The following PCOLCE2 variants were observed in gnomAD, a reference collection of about 807,000 sequenced individuals.
The protein encoded by PCOLCE2 is procollagen C-endopeptidase enhancer 2.
Under a neutral mutation model 47.0 loss-of-function variants are expected in PCOLCE2, and 42 were observed. The observed-to-expected ratio is 0.89, with a 90% CI of 0.70 to 1.16. The LOEUF (loss-of-function observed/expected upper bound fraction) is 1.16, where lower values mean the gene tolerates loss of function less well. PCOLCE2 is among the 50% of genes most tolerant of loss of function. PCOLCE2 has a pLI of 0.00. For synonymous variants in PCOLCE2, 169 were observed against 191.7 expected (o/e 0.88, Z 0.98); for missense variants, 500 against 526.1 (o/e 0.95, Z 0.49).
At chr3:142,833,662 T>C (rs1261274283) in intron 5 of PCOLCE2, among the ~76,000 whole-genome samples, 1 of 152,206 alleles carries the variant, frequency 6.6e-6, no homozygotes. Context: ...TGTATATGTC[T>C]TGCAGTGCAA....
intron 6 of PCOLCE2, among the ~76,000 whole-genome samples, chr3:142,824,746 TCTC>T (rs1478587593): frequency 6.6e-6 from 1 of 152,162 alleles, no homozygotes; most frequent in Non-Finnish European, 1.5e-5. Flanking sequence ...TTCAAGCAAT[TCTC>T]CTGCCTCAGC....
intron 5 of PCOLCE2, among the ~76,000 whole-genome samples, chr3:142,831,011 G>A (rs1033213799): frequency 1.3e-5 from 2 of 152,192 alleles, no homozygotes; most frequent in Admixed American, 6.5e-5. Context: ...GAAAAACTGC[G>A]TGATCTTTTC....
chr3:142,881,162 A>G (rs926017309), intron 2 of PCOLCE2, among the ~76,000 whole-genome samples: 4 of 152,214 alleles, frequency 2.6e-5, no homozygotes, highest in African/African-American at 9.6e-5. Flanking sequence ...GAAGTGCTCA[A>G]AAACTCTTGG....
At chr3:142,862,791 C>T (rs1406532261) in intron 2 of PCOLCE2, among the ~76,000 whole-genome samples, 1 of 152,040 alleles carries the variant, frequency 6.6e-6, no homozygotes, top group Non-Finnish European at 1.5e-5. Context: ...TCTGTAATGG[C>T]TTTATACTAT....
At chr3:142,841,835 T>G (rs546090222) in intron 4 of PCOLCE2, among the ~76,000 whole-genome samples, 23 of 152,188 alleles carry the variant, frequency 1.5e-4, no homozygotes, top group Non-Finnish European at 2.9e-4. Flanking sequence ...TACCTCATAG[T>G]GTTTGGGTTA....
At chr3:142,853,339 C>T (rs1036034699) in intron 2 of PCOLCE2, among the ~76,000 whole-genome samples, 6 of 152,124 alleles carry the variant, frequency 3.9e-5, no homozygotes, top group Admixed American at 2.0e-4. Context: ...CACCCCCAAA[C>T]CCGAAGGTGG....
Position 142,861,925 on chromosome 3 carries a change from G to A in PCOLCE2, c.193-13453C>T, listed in dbSNP as rs751558155. Reference sequence around the variant, plus strand: ...TCTAAGATTGTTCCATGCCTCGCCTGAGGTGTAAAGACCTTGCTGCAGCTT... The same window carrying A: ...TCTAAGATTGTTCCATGCCTCGCCTAAGGTGTAAAGACCTTGCTGCAGCTT... On this transcript the variant is annotated intron_variant, in intron 2 of 8. Coordinates refer to ENST00000295992, the MANE Select transcript of PCOLCE2 (RefSeq NM_013363.4). Among the ~76,000 whole-genome samples, 143 of 152,356 alleles carry A rather than the reference G, an allele frequency of 9.4e-4. 3 individuals carry two copies. Among genetic ancestry groups the A allele is most frequent in the Middle Eastern group, 3.4e-3 (1 of 294 alleles).
intron 1 of PCOLCE2, among the ~76,000 whole-genome samples, chr3:142,888,183 C>T (rs1933750590): frequency 6.6e-6 from 1 of 152,110 alleles, no homozygotes; most frequent in Admixed American, 6.5e-5. Context: ...TTTGTCGTTC[C>T]CATATTTGGA....
Position 142,821,003 on chromosome 3 carries a change from C to A in PCOLCE2, c.992G>T (p.Ser331Ile). Residue 331 changes from serine to isoleucine, a missense_variant, in exon 8 of 9, where the codon AGT (serine) becomes ATT (isoleucine). Coordinates refer to ENST00000295992, the MANE Select transcript of PCOLCE2 (RefSeq NM_013363.4). ...TVITTITRDG[S>I]LHATVSIINI... is the part of the protein sequence containing the mutation. Reference sequence around the variant, plus strand: ...GATGATCGAGACTGTGGCGTGCAAACTCCCATCGCGAGTGATGGTTGTGAT... The same window carrying A: ...GATGATCGAGACTGTGGCGTGCAAAATCCCATCGCGAGTGATGGTTGTGAT... The A allele has an allele frequency of 6.2e-7, 1 of 1,613,806 alleles. No individual in the cohort carries two copies. Among genetic ancestry groups the A allele is most frequent in the African/African-American group, 1.3e-5 (1 of 75,050 alleles).
In PCOLCE2 at chr3:142,842,555, T is replaced by A. The variant is rs918849107; in HGVS notation, c.573+369A>T. 5.3e-5 allele frequency among the ~76,000 whole-genome samples: 8 copies of A among 151,942 alleles called. No individual in the cohort carries two copies. Among genetic ancestry groups the A allele is most frequent in the African/African-American group, 1.9e-4 (8 of 41,358 alleles). On this transcript the variant is annotated intron_variant, in intron 4 of 8. Transcript: ENST00000295992. The surrounding 1 kb of genome is among the most constrained non-coding windows in gnomAD (Gnocchi z 4.1). ...GAGTTTGAGACCAGCCTGACCAACA[T>A]GGAGAAACTCTGTCTCTACTAAAAA...
chr3:142,879,912 A>T (rs1933577363), intron 2 of PCOLCE2, among the ~76,000 whole-genome samples: 1 of 147,670 alleles, frequency 6.8e-6, no homozygotes, highest in African/African-American at 2.5e-5. Context: ...CAGAGCTTGC[A>T]GTGAGCCGAG....
At chr3:142,822,323 A>G (rs150361542) in intron 7 of PCOLCE2, among the ~76,000 whole-genome samples, 2 of 152,176 alleles carry the variant, frequency 1.3e-5, no homozygotes, top group African/African-American at 4.8e-5. Context: ...ACCACTCCCC[A>G]GGGGAGCATT....
chr3:142,868,705 C>G (rs570174953), intron 2 of PCOLCE2, among the ~76,000 whole-genome samples: 1 of 152,160 alleles, frequency 6.6e-6, no homozygotes, highest in African/African-American at 2.4e-5. Flanking sequence ...TTAGCCTGTG[C>G]GGTCTAACCC....
intron 2 of PCOLCE2, among the ~76,000 whole-genome samples, chr3:142,870,784 C>T (rs116435572): frequency 0.058 from 8,732 of 150,622 alleles, 266 homozygotes; most frequent in Non-Finnish European, 0.063. Context: ...TCTTCAGCAG[C>T]GAGCACACCT....
chr3:142,875,610 T>G (rs1262957983), intron 2 of PCOLCE2, among the ~76,000 whole-genome samples: 1 of 152,206 alleles, frequency 6.6e-6, no homozygotes, highest in Admixed American at 6.5e-5. Context: ...AACAGACCGA[T>G]GAAGAGGAAA....
intron 4 of PCOLCE2, among the ~76,000 whole-genome samples, chr3:142,840,288 G>C (rs1937251392): frequency 6.6e-6 from 1 of 152,120 alleles, no homozygotes; most frequent in South Asian, 2.1e-4. Context: ...TTATTCACGT[G>C]AATAGAAAAT....
rs534930851 is a variant in PCOLCE2, at chr3:142,824,782, G to C, written c.866-1167C>G. On this transcript the variant is annotated intron_variant, in intron 6 of 8. Transcript: ENST00000295992. ...AGCCTCCTGAGTAGCTGGGACTACA[G>C]ATGCCTGGCCAATTTTTGTATTTTT... Among the ~76,000 whole-genome samples, 210 of 152,262 alleles carry C rather than the reference G, an allele frequency of 1.4e-3. 1 individual carries two copies. The highest frequency in any genetic ancestry group is 4.8e-3 in the African/African-American group (200 of 41,554).
chr3:142,845,151 T>C (rs925770224), intron 3 of PCOLCE2, among the ~76,000 whole-genome samples: 2 of 152,226 alleles, frequency 1.3e-5, no homozygotes, highest in Non-Finnish European at 2.9e-5. Context: ...TTTGGGTTAG[T>C]TGGATAATTT....
chr3:142,884,288 TTAAA>T (rs1272291181), intron 2 of PCOLCE2, among the ~76,000 whole-genome samples: 2 of 152,324 alleles, frequency 1.3e-5, no homozygotes, highest in East Asian at 3.9e-4. Flanking sequence ...GTTCTGGTTC[TTAAA>T]TAAATTAGGG....
Sources: gnomAD v4.1 joint callset for allele counts (sites outside exome capture counted in the v4.1 genomes callset) on GRCh38, gnomAD v4.1.1 for gene constraint, Gnocchi (gnomAD v3.1) non-coding constraint, MANE v1.5 for transcripts, NCBI Gene and HGNC (gene_info 2026-07-23, HGNC 2026-07-21) for gene names.